ULK2: variants seen among roughly 807,000 people sequenced by gnomAD.
The protein encoded by ULK2 is unc-51 like autophagy activating kinase 2, also known as serine/threonine-protein kinase ULK2.
Under a neutral mutation model 127.5 loss-of-function variants are expected in ULK2, and 76 were observed. That is an observed-to-expected ratio of 0.60 (90% CI 0.50 to 0.72). The LOEUF is 0.72. Ranked by LOEUF, ULK2 falls within the 30% of genes least tolerant of loss-of-function variation. ULK2 has a pLI of 0.00. For missense variants in ULK2, 1,144 were observed against 1,295.9 expected, an observed-to-expected ratio of 0.88 and a Z score of 1.80; for synonymous variants, 452 against 461.9, an observed-to-expected ratio of 0.98 and a Z score of 0.28.
chr17:19,796,894 A>G (rs1356054973), intron 18 of ULK2, among the ~76,000 whole-genome samples: 1 of 152,156 alleles, frequency 6.6e-6, no homozygotes, highest in Non-Finnish European at 1.5e-5. Flanking sequence ...AAACTCTCTA[A>G]GCCTCAATTT....
chr17:19,801,604 A>C (rs1326342376), intron 16 of ULK2, among the ~76,000 whole-genome samples, 173 bp downstream of exon 16: 1 of 152,192 alleles, frequency 6.6e-6, no homozygotes, highest in African/African-American at 2.4e-5. Context: ...AAAAGGAAAA[A>C]GAAAAGAAAA....
intron 20 of ULK2, among the ~76,000 whole-genome samples, chr17:19,793,276 C>G (rs2087196534): frequency 6.6e-6 from 1 of 152,142 alleles, no homozygotes; most frequent in Non-Finnish European, 1.5e-5. Context: ...ATTACCTCCA[C>G]CTGGCTCTCC....
At chr17:19,829,913 A>G (rs1597781998) in intron 10 of ULK2, among the ~76,000 whole-genome samples, 1 of 152,232 alleles carries the variant, frequency 6.6e-6, no homozygotes, top group East Asian at 1.9e-4. Context: ...ATTTATAAAC[A>G]ATCAGAGCCC....
rs1442280029 is a variant in ULK2 at position 19,804,612 on chromosome 17, A to C, written c.1295+81T>G. 1.0e-5 allele frequency: 15 copies of C among 1,455,662 alleles called. No homozygotes were observed. In the Admixed American group the frequency reaches 2.5e-4, roughly 24 times the overall value. 90.2% of individuals were successfully genotyped at this position (1,455,662 alleles called of 1,614,324 possible). A position where few individuals can be genotyped will look rare whatever the true frequency, so the allele number is the denominator to read the frequency against. On this transcript the variant is annotated intron_variant, in intron 15 of 26. Coordinates refer to ENST00000395544, the MANE Select transcript of ULK2 (RefSeq NM_014683.4). ...ACATGTAAGACACTATGCCACAGAAAGTAACATATCTTCCAATATCAATAA... is the reference window on the plus strand; with the variant it reads ...ACATGTAAGACACTATGCCACAGAACGTAACATATCTTCCAATATCAATAA...
chr17:19,846,968 T>C, intron 5 of ULK2, 58 bp from the exon 6 acceptor site: 1 of 1,500,334 alleles, frequency 6.7e-7, no homozygotes. Context: ...ACCATCTGCA[T>C]ATTCCATCAA....
intron 3 of ULK2, among the ~76,000 whole-genome samples, chr17:19,859,564 G>T (rs1434954608): frequency 6.6e-6 from 1 of 152,062 alleles, no homozygotes; most frequent in Non-Finnish European, 1.5e-5. Flanking sequence ...CCACTTCAAG[G>T]AATTTATTCT....
intron 21 of ULK2, among the ~76,000 whole-genome samples, chr17:19,785,050 T>C (rs541179590): frequency 6.6e-6 from 1 of 152,266 alleles, no homozygotes; most frequent in Admixed American, 6.5e-5. Flanking sequence ...AGATAAGACA[T>C]CAAATTATTG....
intron 6 of ULK2, 67 bp from the exon 7 acceptor site, chr17:19,845,444 GATTC>G: frequency 2.5e-6 from 3 of 1,199,850 alleles, no homozygotes; most frequent in Non-Finnish European, 3.7e-6. Flanking sequence ...TATATCATAT[GATTC>G]TTCGAGACAC....
intron 1 of ULK2, 47 bp from the exon 2 acceptor site, chr17:19,865,875 T>C: frequency 8.4e-7 from 1 of 1,192,826 alleles, no homozygotes; most frequent in Non-Finnish European, 1.2e-6. Context: ...TCCACATAAA[T>C]AACAGAAAAA....
At chr17:19,841,426 A>G (rs111593104) in intron 9 of ULK2, 63 bp downstream of exon 9, 1 of 1,434,198 alleles carries the variant, frequency 7.0e-7, no homozygotes, top group Non-Finnish European at 9.5e-7. Flanking sequence ...CAAAACACAA[A>G]CAGTTCAAAT....
At chr17:19,856,977 CAAAA>C (rs1157706276) in intron 3 of ULK2, among the ~76,000 whole-genome samples, 10 of 21,316 alleles carry the variant, frequency 4.7e-4, no homozygotes, top group South Asian at 1.3e-3. Context: ...ACTCCATCTC[CAAAA>C]AAAAAAAAAA....
intron 10 of ULK2, among the ~76,000 whole-genome samples, chr17:19,832,717 C>T (rs116415269): frequency 6.6e-6 from 1 of 152,082 alleles, no homozygotes; most frequent in South Asian, 2.1e-4. Context: ...CTGGGCTTTA[C>T]AATTTTTTTA....
rs201496109 is a variant in ULK2 at position 19,846,798 on chromosome 17, G to A, written c.408C>T (p.Asn136=). 4 of 1,613,906 alleles carry A rather than the reference G, an allele frequency of 2.5e-6. No homozygotes were observed. Among genetic ancestry groups the A allele is most frequent in the South Asian group, 1.1e-5 (1 of 90,970 alleles). Residue 136 remains asparagine (N), a synonymous_variant, in exon 6 of 27, where the codon AAC becomes AAT. Transcript: ENST00000395544. ...TGCGATTGGCATAGGACAGCAAGAT[G>A]TTCTGTGGTTTGAGATCTCTGTGGA... The part of the protein sequence containing the change: ...GIIHRDLKPQ[N]ILLSYANRRK...
In ULK2 at chr17:19,816,749, A is replaced by T; in HGVS notation, c.1096T>A (p.Cys366Ser). 1.3e-6 allele frequency: 2 copies of T among 1,570,222 alleles called. No homozygotes were observed. Among genetic ancestry groups the T allele is most frequent in the Non-Finnish European group, 1.7e-6 (2 of 1,164,978 alleles). Residue 366 changes from cysteine to serine, a missense_variant and splice_region_variant, in exon 13 of 27, where the codon TGT (cysteine) becomes AGT (serine). Cys to Ser is a moderately radical substitution (Grantham distance 112, BLOSUM62 -1). This residue lies in a region of ULK2 where 913 missense variants were observed against 970.5 expected (regional missense o/e 0.94). Transcript: ENST00000395544. ...VPHNISSDHS[C>S]DMPVGTAGRR... The stretch of plus-strand genomic sequence containing the variant: ...GTGTACAAGTAGAAAAGATTCTCAC[A>T]TGAGTGGTCTGACGAGATGTTGTGT...
chr17:19,854,296 C>CA (rs2042079075), intron 3 of ULK2, among the ~76,000 whole-genome samples: 1 of 148,750 alleles, frequency 6.7e-6, no homozygotes. Context: ...AAAGCACACA[C>CA]AAAAAAAGGC....
In ULK2 at chr17:19,789,040, C is replaced by T. The variant is rs114291593; in HGVS notation, c.2102-2954G>A. On this transcript the variant is annotated intron_variant, in intron 20 of 26. Coordinates refer to ENST00000395544, the MANE Select transcript of ULK2 (RefSeq NM_014683.4). ...GTTGCCCTGAAAGGAAGGACACAAA[C>T]CTGGCTGGTTTCACCACCTGCTGAT... 7.8e-3 allele frequency among the ~76,000 whole-genome samples: 1,181 copies of T among 152,296 alleles called. 23 individuals carry two copies. Among genetic ancestry groups the T allele is most frequent in the East Asian group, 0.061 (316 of 5,178 alleles).
At position 19,783,902 on chromosome 17, in the gene ULK2, C is replaced by A; in HGVS notation, c.2255G>T (p.Gly752Val). The change falls in exon 22 of 27, where the codon GGG becomes GTG. Residue 752 changes from glycine (G) to valine (V), a missense_variant. By Grantham distance (109) the Gly-to-Val change is moderately radical (BLOSUM62 -3). This residue lies in a region of ULK2 where 913 missense variants were observed against 970.5 expected (regional missense o/e 0.94). Transcript: ENST00000395544. ...MFLRTRTTSV[G>V]PSNSGGSLCA... Reference sequence around the variant, plus strand: ...AAGAGAGCCCCCGGAGTTGCTGGGCCCCACTACAAGGAAACAGAGGATACA... The same window carrying A: ...AAGAGAGCCCCCGGAGTTGCTGGGCACCACTACAAGGAAACAGAGGATACA... The A allele has an allele frequency of 6.6e-7, 1 of 1,507,554 alleles. No individual in the cohort carries two copies. Among genetic ancestry groups the A allele is most frequent in the South Asian group, 1.4e-5 (1 of 72,058 alleles). The allele number at this position is 1,507,554 out of a possible 1,614,324, so 93.4% of individuals were successfully genotyped here. A position where few individuals can be genotyped will look rare whatever the true frequency, so the allele number is the denominator to read the frequency against.
rs199522253 is a variant in ULK2, at chr17:19,858,659, CCCTAA to C, written c.225+6139_225+6143del. The stretch of plus-strand genomic sequence containing the variant: ...AAATACAGCAAAAAGATGACTGATA[CCCTAA>C]TGGTTTAAGAAAAAAAAAATACCAG... On this transcript the variant is annotated intron_variant, in intron 3 of 26. Coordinates refer to ENST00000395544, the MANE Select transcript of ULK2 (RefSeq NM_014683.4). 1.5e-3 allele frequency among the ~76,000 whole-genome samples: 232 copies of C among 152,072 alleles called. 2 individuals are homozygous for C. In the East Asian group the frequency reaches 0.036, roughly 23 times the overall value.
chr17:19,781,908 G>T lies in ULK2; in HGVS notation c.2620C>A (p.Gln874Lys). 1 of 1,613,904 alleles carries T rather than the reference G, an allele frequency of 6.2e-7. No homozygotes were observed. Among genetic ancestry groups the T allele is most frequent in the South Asian group, 1.1e-5 (1 of 90,984 alleles). The change falls in exon 23 of 27, where the codon CAG (glutamine) becomes AAG (lysine). Residue 874 changes from glutamine (Q) to lysine (K), a missense_variant. This residue lies in a region of ULK2 where 913 missense variants were observed against 970.5 expected (regional missense o/e 0.94). Transcript: ENST00000395544. ...QESVVVDQIS[Q>K]LSKDWGRVEQ... ...ACCCACCCCCAGTCTTTGCTCAGCT[G>T]ACTGATCTGGTCCACCACCACACTC...
Sources: allele counts gnomAD v4.1 joint callset (sites outside exome capture counted in the v4.1 genomes callset), GRCh38; gene constraint gnomAD v4.1.1; regional missense constraint gnomAD v4.1.1; transcripts MANE v1.5; gene names NCBI Gene and HGNC (gene_info 2026-07-23, HGNC 2026-07-21).